The following FIG4 variants were observed in gnomAD, a reference collection of about 807,000 sequenced individuals.
FIG4 encodes polyphosphoinositide phosphatase.
In FIG4, 112 loss-of-function variants were observed where a neutral mutation model predicts 118.6. The observed-to-expected ratio is 0.94, with a 90% CI of 0.81 to 1.11. FIG4 has a LOEUF of 1.11. Ranked by LOEUF, FIG4 falls within the 50% of genes least tolerant of loss-of-function variation. The pLI is 0.00. For synonymous variants in FIG4, 369 were observed against 381.2 expected (o/e 0.97, Z 0.37); for missense variants, 969 against 1,111.7 (o/e 0.87, Z 1.83).
intron 7 of FIG4, 90 bp downstream of exon 7, chr6:109,738,543 A>C: frequency 8.0e-7 from 1 of 1,253,356 alleles, no homozygotes; most frequent in South Asian, 1.2e-5. Context: ...ATATGATTAT[A>C]ATACCACTCT....
chr6:109,764,026 A>G (rs1203333671), intron 13 of FIG4, 44 bp downstream of exon 13: 3 of 1,247,162 alleles, frequency 2.4e-6, no homozygotes, highest in Non-Finnish European at 3.5e-6. Context: ...ATCTGTATCC[A>G]TTGTGTACTG....
At chr6:109,735,823 G>A (rs188402987) in intron 6 of FIG4, among the ~76,000 whole-genome samples, 160 of 152,146 alleles carry the variant, frequency 1.1e-3, no homozygotes, top group Non-Finnish European at 1.8e-3. Context: ...GCCTGGAAAT[G>A]AAGATCATAC....
At chr6:109,806,472 T>A in intron 22 of FIG4, among the ~76,000 whole-genome samples, 1 of 152,152 alleles carries the variant, frequency 6.6e-6, no homozygotes, top group Middle Eastern at 3.4e-3. Flanking sequence ...CACACATGTG[T>A]GCACACACGA....
intron 12 of FIG4, among the ~76,000 whole-genome samples, chr6:109,762,632 T>C (rs1020478111): frequency 1.3e-5 from 2 of 151,246 alleles, no homozygotes; most frequent in Non-Finnish European, 2.9e-5. Context: ...GGATTTATGC[T>C]TTATCTTTTA....
chr6:109,699,704 A>T (rs1019922507), intron 1 of FIG4, among the ~76,000 whole-genome samples: 3 of 151,982 alleles, frequency 2.0e-5, no homozygotes, highest in Admixed American at 1.3e-4. Flanking sequence ...GGATTTCACC[A>T]TGTTGGCTAG....
At chr6:109,694,015 T>C (rs1261571254) in intron 1 of FIG4, among the ~76,000 whole-genome samples, 1 of 152,138 alleles carries the variant, frequency 6.6e-6, no homozygotes. Flanking sequence ...ACAAAAACTG[T>C]AGTAGGTTGT....
intron 22 of FIG4, among the ~76,000 whole-genome samples, chr6:109,801,787 A>G (rs1298659169): frequency 1.3e-5 from 2 of 152,168 alleles, no homozygotes; most frequent in Admixed American, 1.3e-4. Context: ...AACTTCATTT[A>G]CTTTTCATGA....
At chr6:109,750,637 T>C (rs1001104095) in intron 10 of FIG4, among the ~76,000 whole-genome samples, 1 of 151,776 alleles carries the variant, frequency 6.6e-6, no homozygotes, top group African/African-American at 2.4e-5. Context: ...TGTCTCTTTA[T>C]AAAAAAAGAA....
At chr6:109,698,146 C>T (rs1301091180) in intron 1 of FIG4, among the ~76,000 whole-genome samples, 3 of 151,886 alleles carry the variant, frequency 2.0e-5, no homozygotes, top group East Asian at 3.9e-4. Context: ...CCTCAGCCTC[C>T]CAAAGTGCTG....
At chr6:109,739,203 A>G (rs1776249377) in intron 7 of FIG4, among the ~76,000 whole-genome samples, 1 of 151,674 alleles carries the variant, frequency 6.6e-6, no homozygotes. Context: ...AAAGAGAAGT[A>G]GGTTCAGCTT....
intron 16 of FIG4, among the ~76,000 whole-genome samples, chr6:109,779,234 A>G (rs1314779172): frequency 2.0e-5 from 3 of 152,122 alleles, no homozygotes; most frequent in Non-Finnish European, 4.4e-5. Flanking sequence ...TATTACTTTA[A>G]AGTGTTGAAG....
chr6:109,809,075 CAACT>C (rs1299917367), intron 22 of FIG4, among the ~76,000 whole-genome samples: 6 of 152,260 alleles, frequency 3.9e-5, no homozygotes, highest in African/African-American at 1.4e-4. Flanking sequence ...TTCTACATTG[CAACT>C]AACCTTTAAG....
chr6:109,791,756 T>C (rs560609825), intron 20 of FIG4, among the ~76,000 whole-genome samples, 185 bp downstream of exon 20: 1 of 152,338 alleles, frequency 6.6e-6, no homozygotes, highest in African/African-American at 2.4e-5. Flanking sequence ...AAAATAAAAT[T>C]GGTGTTTTTG....
At chr6:109,716,661 C>A in intron 3 of FIG4, 93 bp downstream of exon 3, 2 of 1,420,498 alleles carry the variant, frequency 1.4e-6, no homozygotes, top group Non-Finnish European at 2.0e-6. Context: ...GGCTATAAGG[C>A]TTTAAAATTA....
intron 18 of FIG4, among the ~76,000 whole-genome samples, chr6:109,789,385 T>C (rs1467338257): frequency 1.3e-5 from 2 of 152,210 alleles, no homozygotes; most frequent in Non-Finnish European, 2.9e-5. Flanking sequence ...CTCGTGATCA[T>C]AGAGAATTCA....
At chr6:109,703,044 G>A (rs899320336) in intron 1 of FIG4, among the ~76,000 whole-genome samples, 4 of 151,724 alleles carry the variant, frequency 2.6e-5, no homozygotes, top group Admixed American at 2.0e-4. Context: ...TTATGGCCTC[G>A]TTTTGGTAGA....
At chr6:109,741,407 G>A (rs758942471) in intron 7 of FIG4, 37 bp from the exon 8 acceptor site, 2 of 1,285,288 alleles carry the variant, frequency 1.6e-6, no homozygotes, top group South Asian at 2.4e-5. Flanking sequence ...TTATGTGACA[G>A]TCATGAATGC....
intron 22 of FIG4, among the ~76,000 whole-genome samples, chr6:109,815,495 G>GCCC (rs112617514): frequency 7.1e-4 from 63 of 89,238 alleles, no homozygotes; most frequent in African/African-American, 1.9e-3. Flanking sequence ...ACTCCAGGCT[G>GCCC]CCCCCCCCAC....
chr6:109,798,438 A>AGCACT (rs1253829666), intron 22 of FIG4, among the ~76,000 whole-genome samples: 2 of 152,196 alleles, frequency 1.3e-5, no homozygotes, highest in African/African-American at 2.4e-5. Context: ...TGAGGTTAGG[A>AGCACT]GCACTGCAAG....
Sources: gnomAD v4.1 joint callset for allele counts (sites outside exome capture counted in the v4.1 genomes callset) on GRCh38, gnomAD v4.1.1 for gene constraint, MANE v1.5 for transcripts, NCBI Gene and HGNC (gene_info 2026-07-23, HGNC 2026-07-21) for gene names.